Variants in DENND6B observed in about 807,000 individuals in gnomAD.
DENND6B encodes protein DENND6B.
In DENND6B, 73 loss-of-function variants were observed where a neutral mutation model predicts 85.1. The observed-to-expected ratio is 0.86, with a 90% confidence interval of 0.71 to 1.04. The LOEUF (loss-of-function observed/expected upper bound fraction) is 1.04. Ranked by LOEUF, DENND6B falls within the 50% of genes least tolerant of loss-of-function variation. The pLI is 0.00. For synonymous variants in DENND6B, 357 were observed against 329.3 expected, an observed-to-expected ratio of 1.08 and a Z score of -0.91; for missense variants, 715 against 785.8, an observed-to-expected ratio of 0.91 and a Z score of 1.08.
rs1192149811 is a variant in DENND6B, at chr22:50,313,403, C to A, written c.1347+43G>T. 6 of 1,531,842 alleles carry A rather than the reference C, an allele frequency of 3.9e-6. No individual in the cohort carries two copies. The South Asian group carries it at 5.0e-5, about 13-fold the overall frequency. The allele number at this position is 1,531,842 out of a possible 1,614,324, so 94.9% of individuals were successfully genotyped here. ...TCCCTCCTCCGGGTGAGGAAGGGAA[C>A]CCGCCCTCCATGGACCCCACAAAAC... On this transcript the variant is annotated intron_variant, in intron 16 of 19. Transcript: ENST00000413817.
chr22:50,317,998 G>T lies in DENND6B; in HGVS notation c.282C>A (p.Phe94Leu). The T allele has an allele frequency of 6.2e-7, 1 of 1,612,486 alleles. No individual in the cohort carries two copies. The highest frequency in any genetic ancestry group is 1.3e-5 in the African/African-American group (1 of 75,034). Residue 94 changes from phenylalanine to leucine, a missense_variant, in exon 4 of 20, where the codon TTC becomes TTA. Physicochemically the swap from Phe to Leu is conservative, Grantham distance 22. Coordinates refer to ENST00000413817, the MANE Select transcript of DENND6B (RefSeq NM_001001794.4). ...SHSGCLGDTQFSFRMRQCGGQ... is the reference protein window; with the variant it reads ...SHSGCLGDTQLSFRMRQCGGQ... ...CTCCACACTGGCGCATGCGGAAGCT[G>T]AACTGAGTGTCTCCAAGGCAGCCTA...
Position 50,313,520 on chromosome 22 carries a change from A to G in DENND6B, c.1294-21T>C. ...TGCTCCTGGGTGGGGAAGGGAGGGG[A>G]GTGAGCCCGGGGACCCATGCCCCCC... On this transcript the variant is annotated intron_variant, in intron 15 of 19. Coordinates refer to ENST00000413817, the MANE Select transcript of DENND6B (RefSeq NM_001001794.4). 3 of 1,541,292 alleles carry G rather than the reference A, an allele frequency of 1.9e-6. No homozygotes were observed. The African/African-American group carries it at 4.1e-5, about 21-fold the overall frequency.
intron 15 of DENND6B, 40 bp from the exon 16 acceptor site, chr22:50,313,539 G>GGC: frequency 6.6e-7 from 1 of 1,516,048 alleles, no homozygotes; most frequent in Non-Finnish European, 8.9e-7. Context: ...GGGGACCCAT[G>GGC]CCCCCCAGCC....
At chr22:50,322,067 G>A (rs1244753687) in intron 1 of DENND6B, among the ~76,000 whole-genome samples, 1 of 146,206 alleles carries the variant, frequency 6.8e-6, no homozygotes, top group Non-Finnish European at 1.5e-5. Context: ...AACTCTTTGG[G>A]GTCCTCAATA....
intron 8 of DENND6B, 54 bp downstream of exon 8, chr22:50,315,971 A>G (rs1044492265): frequency 3.3e-5 from 53 of 1,610,752 alleles, no homozygotes; most frequent in Non-Finnish European, 4.1e-5. Context: ...CAGGAGCAGG[A>G]CTCAATCGGG....
chr22:50,314,859 G>A lies in DENND6B; in HGVS notation c.821C>T (p.Pro274Leu). 1 of 1,612,096 alleles carries A rather than the reference G, an allele frequency of 6.2e-7. No individual in the cohort carries two copies. Among genetic ancestry groups the A allele is most frequent in the Non-Finnish European group, 8.5e-7 (1 of 1,179,636 alleles). Reference sequence around the variant, plus strand: ...GGGCGAGGGTGCCAGGACTAGCAGGGGCTCCCCGAGGAGCATGAGCTCCCA... The same window carrying A: ...GGGCGAGGGTGCCAGGACTAGCAGGAGCTCCCCGAGGAGCATGAGCTCCCA... Reference protein sequence around the residue: ...TLWELMLLGEPLLVLAPSPDV... With the variant: ...TLWELMLLGELLLVLAPSPDV... The change falls in exon 10 of 20, where the codon CCC (proline) becomes CTC (leucine). Residue 274 changes from proline (P) to leucine (L), a missense_variant. Physicochemically the swap from Pro to Leu is moderately conservative, Grantham distance 98. Coordinates refer to ENST00000413817, the MANE Select transcript of DENND6B (RefSeq NM_001001794.4).
Position 50,314,447 on chromosome 22 carries a change from A to C in DENND6B, c.1025T>G (p.Leu342Arg). The C allele has an allele frequency of 6.4e-7, 1 of 1,565,264 alleles. No homozygotes were observed. The highest frequency in any genetic ancestry group is 8.7e-7 in the Non-Finnish European group (1 of 1,154,108). The change falls in exon 12 of 20, where the codon CTC (leucine) becomes CGC (arginine). Residue 342 changes from leucine (L) to arginine (R), a missense_variant. Coordinates refer to ENST00000413817, the MANE Select transcript of DENND6B (RefSeq NM_001001794.4). ...GVTNPFFIKT[L>R]QHWPHILRVG... ...TCGGAGGATGTGGGGCCAGTGCTGG[A>C]GTGTTTTGATAAAGAAAGGGTTTGT... is the stretch of plus-strand genomic sequence containing the variant.
Position 50,315,709 on chromosome 22 carries a change from C to A in DENND6B, c.758+5G>T. The A allele has an allele frequency of 6.4e-7, 1 of 1,566,256 alleles. No homozygotes were observed. The highest frequency in any genetic ancestry group is 8.6e-7 in the Non-Finnish European group (1 of 1,157,376). On this transcript the variant is annotated splice_donor_5th_base_variant and intron_variant, in intron 9 of 19. Transcript: ENST00000413817. ...AAGCAGTGTGCAGAACCCTAGGGGG[C>A]TCACCTGAACAGGTCCAGCTCGTGG...
Position 50,312,023 on chromosome 22 carries a change from A to G in DENND6B, c.*116T>C, listed in dbSNP as rs2068067718. ...TGGTGGTGCAGGAAGGGGAGCCTGCAGTCTGGGCGGGGGGCCAAGGAAGGG... is the reference window on the plus strand; with the variant it reads ...TGGTGGTGCAGGAAGGGGAGCCTGCGGTCTGGGCGGGGGGCCAAGGAAGGG... On this transcript the variant is annotated 3_prime_UTR_variant, in exon 20 of 20. Coordinates refer to ENST00000413817, the MANE Select transcript of DENND6B (RefSeq NM_001001794.4). 2.0e-6 allele frequency: 3 copies of G among 1,467,046 alleles called. No individual in the cohort carries two copies. Among genetic ancestry groups the G allele is most frequent in the African/African-American group, 2.8e-5 (2 of 71,206 alleles). The allele number at this position is 1,467,046 out of a possible 1,614,324, so 90.9% of individuals were successfully genotyped here.
rs1351711558 is a variant in DENND6B at position 50,318,153 on chromosome 22, G to C, written c.260-133C>G. ...TAAATATACCCCAGAAACCAGCCTG[G>C]CTAACACAGTGAAACCCCGTTTCTA... On this transcript the variant is annotated intron_variant, in intron 3 of 19. Transcript: ENST00000413817. The C allele has an allele frequency of 2.0e-5, 17 of 840,808 alleles. No individual in the cohort carries two copies. In the Admixed American group the frequency reaches 4.9e-4, roughly 24 times the overall value. 52.1% of individuals were successfully genotyped at this position (840,808 alleles called of 1,614,324 possible).
At chr22:50,326,429 G>A (rs528286533) in intron 1 of DENND6B, among the ~76,000 whole-genome samples, 1 of 152,374 alleles carries the variant, frequency 6.6e-6, no homozygotes, top group Admixed American at 6.5e-5. Flanking sequence ...CGTCAGCCTC[G>A]CCTATGCCCA....
rs1174692419 is a variant in DENND6B, at chr22:50,310,845, G to C, written c.*1294C>G. 6.6e-6 allele frequency: 1 copy of C among 152,148 alleles called. No individual in the cohort carries two copies. 9.4% of individuals were successfully genotyped at this position (152,148 alleles called of 1,614,324 possible). On this transcript the variant is annotated 3_prime_UTR_variant, in exon 20 of 20. Transcript: ENST00000413817. Reference sequence around the variant, plus strand: ...TGTAGTCCCAGCTACTCGGGAGGCTGAGGCAGGAGAATGGCGTGAACCCGG... The same window carrying C: ...TGTAGTCCCAGCTACTCGGGAGGCTCAGGCAGGAGAATGGCGTGAACCCGG...
intron 1 of DENND6B, among the ~76,000 whole-genome samples, chr22:50,320,394 T>C (rs1390240687): frequency 2.0e-5 from 3 of 152,194 alleles, no homozygotes; most frequent in Non-Finnish European, 4.4e-5. Flanking sequence ...TCTGTGAAAA[T>C]AGCCCTGCTC....
Position 50,313,486 on chromosome 22 carries a change from G to T in DENND6B, c.1307C>A (p.Ala436Asp), listed in dbSNP as rs1299754806. 6.4e-7 allele frequency: 1 copy of T among 1,551,766 alleles called. No homozygotes were observed. Among genetic ancestry groups the T allele is most frequent in the Non-Finnish European group, 8.7e-7 (1 of 1,148,096 alleles). The change falls in exon 16 of 20, where the codon GCC becomes GAC. Residue 436 changes from alanine (A) to aspartate (D), a missense_variant. By Grantham distance (126) the Ala-to-Asp change is moderately radical. Transcript: ENST00000413817. ...GCTCTTCTGCAGGGGCATGAGGCTG[G>T]CCATGTAGTGCTCCTGGGTGGGGAA... ...SFIIPLEHYM[A>D]SLMPLQKSIT...
intron 1 of DENND6B, among the ~76,000 whole-genome samples, chr22:50,325,601 C>T (rs983455530): frequency 3.3e-5 from 5 of 152,152 alleles, no homozygotes; most frequent in Non-Finnish European, 2.9e-5. Flanking sequence ...TCTCAAAGTG[C>T]TGGGATTACA....
Position 50,323,916 on chromosome 22 carries a change from G to A in DENND6B, c.177+2896C>T, listed in dbSNP as rs973452066. On this transcript the variant is annotated intron_variant, in intron 1 of 19. Coordinates refer to ENST00000413817, the MANE Select transcript of DENND6B (RefSeq NM_001001794.4). The stretch of plus-strand genomic sequence containing the variant: ...CCTGGCTAATTTATTTTTAATTTTG[G>A]TAGAGACAGGGTCTCACTATGTTTC... Among the ~76,000 whole-genome samples, 7 of 151,808 alleles carry A rather than the reference G, an allele frequency of 4.6e-5. No individual in the cohort carries two copies. In the East Asian group the frequency reaches 1.4e-3, roughly 29 times the overall value.
chr22:50,326,068 C>A (rs945700784), intron 1 of DENND6B, among the ~76,000 whole-genome samples: 3 of 152,258 alleles, frequency 2.0e-5, no homozygotes, highest in Non-Finnish European at 4.4e-5. Context: ...GGTCAGCTCC[C>A]TGGTGTGTGT....
At chr22:50,312,488 T>C (rs1407335390) in intron 18 of DENND6B, 35 bp downstream of exon 18, 1 of 1,177,456 alleles carries the variant, frequency 8.5e-7, no homozygotes, top group Non-Finnish European at 1.2e-6. Context: ...ACCCCCACCA[T>C]GTTCTGGCCC....
intron 5 of DENND6B, 197 bp from the exon 6 acceptor site, chr22:50,316,672 G>C: frequency 6.7e-7 from 1 of 1,503,408 alleles, no homozygotes; most frequent in South Asian, 1.2e-5. Context: ...ACCCAACACT[G>C]AACTCCCTGG....
Sources: allele counts gnomAD v4.1 joint callset (sites outside exome capture counted in the v4.1 genomes callset), GRCh38; gene constraint gnomAD v4.1.1; transcripts MANE v1.5; gene names NCBI Gene and HGNC (gene_info 2026-07-23, HGNC 2026-07-21).